PRTG: variants seen among roughly 807,000 people sequenced by gnomAD.
The protein encoded by PRTG is protogenin.
Under a neutral mutation model 122.5 loss-of-function variants are expected in PRTG, and 67 were observed. The ratio of observed to expected loss-of-function variants is 0.55; its 90% CI spans 0.45 to 0.67. The LOEUF is 0.67. Ranked by LOEUF, PRTG falls within the 30% of genes least tolerant of loss-of-function variation. The pLI is 0.00. For synonymous variants in PRTG, 554 were observed against 501.1 expected, an observed-to-expected ratio of 1.11 and a Z score of -1.41; for missense variants, 1,435 against 1,415.4, an observed-to-expected ratio of 1.01 and a Z score of -0.22.
chr15:55,623,358 A>G (rs1014155625), intron 18 of PRTG, among the ~76,000 whole-genome samples: 1 of 152,202 alleles, frequency 6.6e-6, no homozygotes, highest in East Asian at 1.9e-4. Flanking sequence ...ATCTGAGGTC[A>G]GTAGTTCGAG....
intron 11 of PRTG, among the ~76,000 whole-genome samples, chr15:55,671,090 G>A (rs541720643): frequency 5.9e-4 from 90 of 152,256 alleles, no homozygotes; most frequent in Admixed American, 7.8e-4. Flanking sequence ...CTGGAAAACT[G>A]CATAGAACCA....
intron 2 of PRTG, among the ~76,000 whole-genome samples, chr15:55,722,031 CTT>C (rs1461007669): frequency 6.6e-6 from 1 of 152,138 alleles, no homozygotes; most frequent in Non-Finnish European, 1.5e-5. Context: ...TTCCCCCAGA[CTT>C]GGAGATGCAT....
Position 55,620,222 on chromosome 15 carries a change from G to A in PRTG, c.3243C>T (p.Gly1081=). ...FTPAVCFYQP[G]TTVLISDEDS... Reference sequence around the variant, plus strand: ...CTTCATCACTGATTAATACAGTGGTGCCTGGCTGGTAAAAGCAGACCGCTG... The same window carrying A: ...CTTCATCACTGATTAATACAGTGGTACCTGGCTGGTAAAAGCAGACCGCTG... The change falls in exon 20 of 20, where the codon GGC becomes GGT. Residue 1081 remains glycine (G), a synonymous_variant. Transcript: ENST00000389286. The A allele has an allele frequency of 6.2e-7, 1 of 1,614,178 alleles. No individual in the cohort carries two copies.
chr15:55,615,447 A>G lies in PRTG; in HGVS notation c.*4565T>C, dbSNP rs1400709636. ...GAAGATTAAAGCCTGAAACATACACATTGCATTAGCCTGTGATCTTATGTC... is the reference window on the plus strand; with the variant it reads ...GAAGATTAAAGCCTGAAACATACACGTTGCATTAGCCTGTGATCTTATGTC... On this transcript the variant is annotated 3_prime_UTR_variant, in exon 20 of 20. Transcript: ENST00000389286. 1 of 152,098 alleles carries G rather than the reference A, an allele frequency of 6.6e-6. No individual in the cohort carries two copies. The highest frequency in any genetic ancestry group is 1.5e-5 in the Non-Finnish European group (1 of 67,972). 9.4% of individuals were successfully genotyped at this position (152,098 alleles called of 1,614,324 possible).
chr15:55,724,996 T>C (rs1453192006), intron 2 of PRTG, among the ~76,000 whole-genome samples: 1 of 152,176 alleles, frequency 6.6e-6, no homozygotes, highest in African/African-American at 2.4e-5. Context: ...CACTGGTAAA[T>C]GTCACTATGT....
chr15:55,742,812 GAGAA>G, intron 1 of PRTG, 22 bp downstream of exon 1: 1 of 1,540,224 alleles, frequency 6.5e-7, no homozygotes, highest in Non-Finnish European at 8.8e-7. Flanking sequence ...ACAGCGGTAA[GAGAA>G]AGCAGAAGAA....
At chr15:55,665,228 C>T (rs996318983) in intron 11 of PRTG, among the ~76,000 whole-genome samples, 2 of 151,868 alleles carry the variant, frequency 1.3e-5, no homozygotes, top group Non-Finnish European at 2.9e-5. Flanking sequence ...CCCCTGCACT[C>T]CAGCCTGGGT....
At chr15:55,662,106 T>A (rs1341116675) in intron 11 of PRTG, among the ~76,000 whole-genome samples, 1 of 152,248 alleles carries the variant, frequency 6.6e-6, no homozygotes, top group African/African-American at 2.4e-5. Context: ...AAAGTTGAAC[T>A]TTCTTAAAGA....
At chr15:55,711,393 A>G (rs534060439) in intron 2 of PRTG, among the ~76,000 whole-genome samples, 36 of 152,216 alleles carry the variant, frequency 2.4e-4, no homozygotes, top group Admixed American at 2.0e-3. Flanking sequence ...GCTGTCCTCA[A>G]GGGTAGAGAT....
chr15:55,702,678 G>A (rs2029936957), intron 2 of PRTG, among the ~76,000 whole-genome samples: 1 of 152,168 alleles, frequency 6.6e-6, no homozygotes, highest in African/African-American at 2.4e-5. Flanking sequence ...AGGAACAGGA[G>A]GAGCCAGAAA....
At chr15:55,689,510 T>C (rs2059588501) in intron 2 of PRTG, among the ~76,000 whole-genome samples, 2 of 151,516 alleles carry the variant, frequency 1.3e-5, no homozygotes, top group Non-Finnish European at 2.9e-5. Flanking sequence ...GGGGGAGGGA[T>C]AGCATTAGGA....
chr15:55,676,489 C>A (rs764497725), intron 8 of PRTG, among the ~76,000 whole-genome samples: 3 of 152,176 alleles, frequency 2.0e-5, no homozygotes, highest in Non-Finnish European at 4.4e-5. Flanking sequence ...CTTCTCCCCA[C>A]ACTGGATTTA....
intron 2 of PRTG, among the ~76,000 whole-genome samples, chr15:55,718,143 A>G (rs552258495): frequency 7.8e-4 from 118 of 152,072 alleles, no homozygotes; most frequent in Non-Finnish European, 1.4e-3. Context: ...CACCTAACCT[A>G]AAACCTAAAT....
chr15:55,640,780 C>T (rs1054011501), intron 12 of PRTG, among the ~76,000 whole-genome samples: 3 of 151,464 alleles, frequency 2.0e-5, no homozygotes, highest in South Asian at 2.1e-4. Flanking sequence ...GAGGCCAAGG[C>T]GGGTAGATCA....
chr15:55,676,821 T>C (rs1021294772), intron 8 of PRTG, among the ~76,000 whole-genome samples: 3 of 152,212 alleles, frequency 2.0e-5, no homozygotes, highest in African/African-American at 7.2e-5. Context: ...GGAATTAACA[T>C]ACTCCAGCAT....
chr15:55,664,581 AT>A (rs956032501), intron 11 of PRTG, among the ~76,000 whole-genome samples: 9 of 151,898 alleles, frequency 5.9e-5, no homozygotes, highest in South Asian at 2.1e-4. Context: ...AAATTTAGAA[AT>A]TTTTTTTTGT....
intron 2 of PRTG, among the ~76,000 whole-genome samples, chr15:55,697,032 T>C (rs913510745): frequency 2.6e-5 from 4 of 152,188 alleles, no homozygotes; most frequent in African/African-American, 9.7e-5. Flanking sequence ...CCTTTAATAA[T>C]ACCTGAGAAT....
At chr15:55,722,464 AT>A (rs2030861199) in intron 2 of PRTG, among the ~76,000 whole-genome samples, 1 of 152,228 alleles carries the variant, frequency 6.6e-6, no homozygotes, top group African/African-American at 2.4e-5. Flanking sequence ...GCCAGTAAGA[AT>A]TTTAGTGTCT....
At chr15:55,736,016 C>G (rs1445793208) in intron 2 of PRTG, among the ~76,000 whole-genome samples, 1 of 152,134 alleles carries the variant, frequency 6.6e-6, no homozygotes, top group Non-Finnish European at 1.5e-5. Context: ...AACACACCTC[C>G]TCTTTTTAAA....
Sources: gnomAD v4.1 joint callset for allele counts (sites outside exome capture counted in the v4.1 genomes callset) on GRCh38, gnomAD v4.1.1 for gene constraint, MANE v1.5 for transcripts, NCBI Gene and HGNC (gene_info 2026-07-23, HGNC 2026-07-21) for gene names.